SV2C: variants seen among roughly 807,000 people sequenced by gnomAD.
The protein encoded by SV2C is synaptic vesicle glycoprotein 2C, also known as solute carrier family 22 member B3.
A neutral mutation model predicts 79.7 loss-of-function variants in SV2C; 49 were observed. That is an observed-to-expected ratio of 0.61 (90% CI 0.49 to 0.78). SV2C has a LOEUF of 0.78. Among genes scored for constraint, SV2C ranks in the 30% least tolerant of loss-of-function variants. The probability of loss-of-function intolerance (pLI) is 0.00; values close to 1 mark genes in which losing one functional copy is unlikely to be tolerated. For synonymous variants in SV2C, 334 were observed against 333.2 expected, an observed-to-expected ratio of 1.00 and a Z score of -0.03; for missense variants, 833 against 912.9, an observed-to-expected ratio of 0.91 and a Z score of 1.13.
intron 2 of SV2C, among the ~76,000 whole-genome samples, chr5:76,170,533 T>G (rs1743189709): frequency 1.6e-5 from 2 of 126,962 alleles, no homozygotes; most frequent in Non-Finnish European, 3.3e-5. Flanking sequence ...CATTAAAAAA[T>G]TGTTTGAAAA....
the SV2C span, among the ~76,000 whole-genome samples, chr5:76,045,429 G>T: frequency 1.2e-4 from 18 of 152,242 alleles, no homozygotes; most frequent in East Asian, 3.3e-3. Flanking sequence ...TTTTAAAGTA[G>T]TTTTTTCTAA....
the SV2C span, among the ~76,000 whole-genome samples, chr5:76,014,204 A>G: frequency 1.3e-5 from 2 of 151,628 alleles, no homozygotes; most frequent in African/African-American, 4.8e-5. Context: ...AAGAGAAAGA[A>G]AGAAAGGAAA....
At chr5:76,289,878 C>G (rs1356825507) in intron 6 of SV2C, among the ~76,000 whole-genome samples, 2 of 152,220 alleles carry the variant, frequency 1.3e-5, no homozygotes, top group Admixed American at 1.3e-4. Context: ...TTGTTCTGAA[C>G]AGTATTTCCT....
chr5:76,242,267 G>A (rs1490538142), intron 4 of SV2C: 2 of 1,174,054 alleles, frequency 1.7e-6, no homozygotes, highest in Non-Finnish European at 2.5e-6. Context: ...ATCTCCCTTA[G>A]CATCCCCTTC....
Position 76,106,863 on chromosome 5 carries a change from G to A in SV2C, c.-102+23351G>A, listed in dbSNP as rs570522650. Among the ~76,000 whole-genome samples the A allele has an allele frequency of 3.9e-5, 6 of 152,110 alleles. No homozygotes were observed. The East Asian group carries it at 1.2e-3, about 29-fold the overall frequency. On this transcript the variant is annotated intron_variant, in intron 1 of 12. Transcript: ENST00000502798. Reference sequence around the variant, plus strand: ...GAATAAACATGTGGCTAATTTTAGTGTGCTTATTGTTCATTGTCTTTCTCC... The same window carrying A: ...GAATAAACATGTGGCTAATTTTAGTATGCTTATTGTTCATTGTCTTTCTCC...
At chr5:76,219,774 C>T (rs1005103567) in intron 4 of SV2C, among the ~76,000 whole-genome samples, 4 of 152,184 alleles carry the variant, frequency 2.6e-5, no homozygotes, top group African/African-American at 9.7e-5. Flanking sequence ...CTCACGCTGA[C>T]CTTTGAGGTA....
At chr5:75,910,714 C>T in the SV2C span, 2 of 1,362,418 alleles carry the variant, frequency 1.5e-6, no homozygotes, top group Non-Finnish European at 2.1e-6. Context: ...TCAACAAAGC[C>T]CAGACTATGT....
the SV2C span, among the ~76,000 whole-genome samples, chr5:76,033,098 GT>G: frequency 7.9e-5 from 12 of 152,026 alleles, no homozygotes; most frequent in African/African-American, 7.2e-5. Context: ...GGGGTTGTTT[GT>G]TTTTTTCTTG....
chr5:76,088,756 A>T (rs188060152), intron 1 of SV2C, among the ~76,000 whole-genome samples: 1 of 152,162 alleles, frequency 6.6e-6, no homozygotes, highest in Admixed American at 6.5e-5. Flanking sequence ...AAATCTAGCA[A>T]TTCTGTTTAT....
the SV2C span, among the ~76,000 whole-genome samples, chr5:75,874,033 G>A: frequency 6.6e-6 from 1 of 152,106 alleles, no homozygotes; most frequent in Non-Finnish European, 1.5e-5. Flanking sequence ...GAGGAGCAGG[G>A]ACTCCTTCCT....
chr5:76,070,199 T>C, the SV2C span, among the ~76,000 whole-genome samples: 3 of 152,116 alleles, frequency 2.0e-5, no homozygotes, highest in Non-Finnish European at 4.4e-5. Context: ...TGAACCCTCA[T>C]CAGATTTCCA....
the SV2C span, among the ~76,000 whole-genome samples, chr5:75,986,117 C>G: frequency 6.7e-6 from 1 of 148,248 alleles, no homozygotes; most frequent in Non-Finnish European, 1.5e-5. Flanking sequence ...CCTACCACAA[C>G]CGACTTCAGT....
intron 4 of SV2C, among the ~76,000 whole-genome samples, chr5:76,231,745 T>C (rs1239672296): frequency 6.9e-6 from 1 of 144,514 alleles, no homozygotes; most frequent in African/African-American, 2.9e-5. Context: ...ATTTCATCCA[T>C]GTCCCTACAA....
intron 12 of SV2C, chr5:76,353,078 C>T (rs888197442): frequency 2.2e-6 from 1 of 452,462 alleles, no homozygotes; most frequent in Admixed American, 2.4e-5. Context: ...GAAGCTAGGA[C>T]TACAGGTGGG....
chr5:75,855,651 T>A, the SV2C span, among the ~76,000 whole-genome samples: 1 of 152,178 alleles, frequency 6.6e-6, no homozygotes, highest in Non-Finnish European at 1.5e-5. Context: ...TCTTTTAAAA[T>A]TTTTAACTTT....
the SV2C span, among the ~76,000 whole-genome samples, chr5:75,967,715 T>G: frequency 6.6e-6 from 1 of 152,234 alleles, no homozygotes; most frequent in South Asian, 2.1e-4. Flanking sequence ...CAAGGAGGCC[T>G]GCCTGCCTCT....
the SV2C span, among the ~76,000 whole-genome samples, chr5:75,908,062 A>T: frequency 6.6e-6 from 1 of 152,206 alleles, no homozygotes; most frequent in Non-Finnish European, 1.5e-5. Context: ...TAAAAAAAAA[A>T]TTGCAAGTTT....
chr5:76,045,938 A>G, the SV2C span, among the ~76,000 whole-genome samples: 1 of 152,106 alleles, frequency 6.6e-6, no homozygotes, highest in Non-Finnish European at 1.5e-5. Context: ...GAATTAATTC[A>G]CTCTCCAAAT....
chr5:75,950,798 A>AT, the SV2C span, among the ~76,000 whole-genome samples: 2 of 151,946 alleles, frequency 1.3e-5, no homozygotes, highest in Non-Finnish European at 2.9e-5. Flanking sequence ...CCAAAGAAGG[A>AT]TTTTTTAGAA....
Sources: gnomAD v4.1 joint callset for allele counts (sites outside exome capture counted in the v4.1 genomes callset) on GRCh38, gnomAD v4.1.1 for gene constraint, MANE v1.5 for transcripts, NCBI Gene and HGNC (gene_info 2026-07-23, HGNC 2026-07-21) for gene names.